NFX1: variants seen among roughly 807,000 people sequenced by gnomAD.
NFX1 encodes the protein transcriptional repressor NF-X1.
A neutral mutation model predicts 137.2 loss-of-function variants in NFX1; 69 were observed. That is an observed-to-expected ratio of 0.50 (90% CI 0.41 to 0.61). NFX1 has a LOEUF of 0.61. Among genes scored for constraint, NFX1 ranks in the 20% least tolerant of loss-of-function variants. NFX1 has a pLI of 0.00. For missense variants in NFX1, 1,167 were observed against 1,391.0 expected (o/e 0.84, Z 2.56); for synonymous variants, 495 against 474.1 (o/e 1.04, Z -0.57).
At chr9:33,335,096 T>C (rs920289381) in intron 11 of NFX1, among the ~76,000 whole-genome samples, 3 of 152,216 alleles carry the variant, frequency 2.0e-5, no homozygotes, top group Non-Finnish European at 4.4e-5. Context: ...TTTTTTTTAG[T>C]TGAAATTCAC....
At chr9:33,323,880 A>T (rs192795335) in intron 9 of NFX1, among the ~76,000 whole-genome samples, 2 of 152,334 alleles carry the variant, frequency 1.3e-5, no homozygotes, top group Admixed American at 1.3e-4. Context: ...ATTGATAAAG[A>T]GATAGAAACT....
chr9:33,294,889 A>C lies in NFX1; in HGVS notation c.495A>C (p.Gly165=). 6.2e-7 allele frequency: 1 copy of C among 1,614,086 alleles called. No individual in the cohort carries two copies. The highest frequency in any genetic ancestry group is 8.5e-7 in the Non-Finnish European group (1 of 1,180,010). ...AAGTTGTGGGTGCAGATCCCAGGGG[A>C]GCAAAACCCAAAAAAGCAACACAGT... ...EKEVVGADPR[G]AKPKKATQFV... The change falls in exon 2 of 24, where the codon GGA becomes GGC. Residue 165 remains glycine, a synonymous_variant. Coordinates refer to ENST00000379540, the MANE Select transcript of NFX1 (RefSeq NM_002504.6).
At chr9:33,354,047 C>T in intron 17 of NFX1, 39 bp from the exon 18 acceptor site, 1 of 1,548,728 alleles carries the variant, frequency 6.5e-7, no homozygotes, top group African/African-American at 1.4e-5. Flanking sequence ...TCTTGTGAAA[C>T]TGCAATGCCT....
At chr9:33,352,877 A>T (rs181533318) in intron 17 of NFX1, 158 bp downstream of exon 17, 224 of 606,866 alleles carry the variant, frequency 3.7e-4, no homozygotes, top group African/African-American at 3.3e-3. Context: ...GCACAGATAC[A>T]TGTGTTTATC....
chr9:33,298,664 G>A (rs560224856), intron 2 of NFX1, among the ~76,000 whole-genome samples: 1 of 152,188 alleles, frequency 6.6e-6, no homozygotes, highest in Non-Finnish European at 1.5e-5. Flanking sequence ...CATGCCTATA[G>A]TCCCAGCTAC....
intron 9 of NFX1, among the ~76,000 whole-genome samples, chr9:33,324,995 T>G (rs189425692): frequency 6.7e-6 from 1 of 149,650 alleles, no homozygotes; most frequent in Non-Finnish European, 1.5e-5. Context: ...TGAAGAGAAA[T>G]GAACAAAGCC....
chr9:33,306,585 G>A (rs900284810), intron 4 of NFX1, among the ~76,000 whole-genome samples: 2 of 152,200 alleles, frequency 1.3e-5, no homozygotes, highest in Non-Finnish European at 2.9e-5. Context: ...TTGCCCAAGT[G>A]AGGATGAATT....
intron 2 of NFX1, among the ~76,000 whole-genome samples, chr9:33,296,535 C>G (rs1334045790): frequency 1.3e-5 from 2 of 152,102 alleles, no homozygotes; most frequent in South Asian, 4.2e-4. Context: ...CAAGACCAGC[C>G]TGGGCAACAT....
rs1057239643 is a variant in NFX1 at position 33,349,675 on chromosome 9, G to GA, written c.2425-1874dup. ...AGCGTGGAAACAGGCCATTTTTCAA[G>GA]AAAAAAAAAAAGAATTGGGGGTTCT... On this transcript the variant is annotated intron_variant, in intron 15 of 23. Transcript: ENST00000379540. Among the ~76,000 whole-genome samples the GA allele has an allele frequency of 1.0e-3, 150 of 144,270 alleles. 1 individual carries two copies. The highest frequency in any genetic ancestry group is 2.5e-3 in the African/African-American group (100 of 39,322). 94.6% of individuals were successfully genotyped at this position (144,270 alleles called of 152,430 possible). A position where few individuals can be genotyped will look rare whatever the true frequency, so the allele number is the denominator to read the frequency against.
At chr9:33,333,989 A>G (rs543829478) in intron 11 of NFX1, among the ~76,000 whole-genome samples, 2 of 152,240 alleles carry the variant, frequency 1.3e-5, no homozygotes, top group East Asian at 3.9e-4. Context: ...TACTAAAAAT[A>G]CAAAAATTAG....
At chr9:33,341,196 C>T (rs1056142072) in intron 12 of NFX1, among the ~76,000 whole-genome samples, 1 of 152,122 alleles carries the variant, frequency 6.6e-6, no homozygotes. Context: ...TTCCAAGTGG[C>T]TGGGGAGGCC....
chr9:33,368,120 A>G (rs991351402), intron 23 of NFX1, among the ~76,000 whole-genome samples: 1 of 152,142 alleles, frequency 6.6e-6, no homozygotes, highest in African/African-American at 2.4e-5. Context: ...CTGTAAACAC[A>G]GCTACTTGGG....
chr9:33,367,702 C>A, intron 23 of NFX1, 83 bp downstream of exon 23: 1 of 1,308,148 alleles, frequency 7.6e-7, no homozygotes, highest in Non-Finnish European at 1.1e-6. Flanking sequence ...GCTGCACCAG[C>A]CATTGGTGGC....
intron 2 of NFX1, among the ~76,000 whole-genome samples, chr9:33,300,253 T>C (rs543492777): frequency 1.2e-4 from 18 of 151,798 alleles, no homozygotes; most frequent in African/African-American, 2.7e-4. Context: ...TTAGTAGAGA[T>C]GGGGTTTCAC....
rs1437033887 is a variant in NFX1, at chr9:33,296,885, A to G, written c.1033+1458A>G. ...GGAAACCATAATTTATTTATGCTTC[A>G]TTGTCCTCCACTAGTCTGTAAGCTC... On this transcript the variant is annotated intron_variant, in intron 2 of 23. Coordinates refer to ENST00000379540, the MANE Select transcript of NFX1 (RefSeq NM_002504.6). Among the ~76,000 whole-genome samples the G allele has an allele frequency of 2.6e-5, 4 of 152,300 alleles. No individual in the cohort carries two copies. The East Asian group carries it at 7.7e-4, about 29-fold the overall frequency.
At position 33,303,190 on chromosome 9, in the gene NFX1, G is replaced by C; in HGVS notation, c.1193-1G>C. The C allele has an allele frequency of 6.2e-7, 1 of 1,613,744 alleles. No homozygotes were observed. The highest frequency in any genetic ancestry group is 1.1e-5 in the South Asian group (1 of 91,046). On this transcript the variant is annotated splice_acceptor_variant, in intron 3 of 23. Coordinates refer to ENST00000379540, the MANE Select transcript of NFX1 (RefSeq NM_002504.6). LOFTEE classifies it high-confidence loss of function. Reference sequence around the variant, plus strand: ...TGGCCTACTCCCATTTTTCCTGACAGATGGCCAGAGTGGTTGGAGGTGCCC... The same window carrying C: ...TGGCCTACTCCCATTTTTCCTGACACATGGCCAGAGTGGTTGGAGGTGCCC...
chr9:33,307,029 G>A (rs1023351428), intron 4 of NFX1, among the ~76,000 whole-genome samples, 165 bp from the exon 5 acceptor site: 1 of 152,118 alleles, frequency 6.6e-6, no homozygotes, highest in African/African-American at 2.4e-5. Context: ...TTTATGAATA[G>A]CATTATATTT....
At chr9:33,355,183 G>A (rs1823769357) in intron 19 of NFX1, among the ~76,000 whole-genome samples, 2 of 152,186 alleles carry the variant, frequency 1.3e-5, no homozygotes, top group South Asian at 4.1e-4. Flanking sequence ...TCAGAGATAA[G>A]AGGTTTAAAA....
rs771795551 is a variant in NFX1, at chr9:33,290,565, G to T, written c.-8G>T. 2.7e-5 allele frequency: 44 copies of T among 1,613,912 alleles called. No homozygotes were observed. Among genetic ancestry groups the T allele is most frequent in the Admixed American group, 6.7e-5 (4 of 60,008 alleles). ...CTGTACAGCTCGATCTAGGTTCTGCGGCACGGGATGGCGGAGGCGCCTCCT... is the reference window on the plus strand; with the variant it reads ...CTGTACAGCTCGATCTAGGTTCTGCTGCACGGGATGGCGGAGGCGCCTCCT... On this transcript the variant is annotated 5_prime_UTR_variant, in exon 1 of 24. Coordinates refer to ENST00000379540, the MANE Select transcript of NFX1 (RefSeq NM_002504.6).
Sources: gnomAD v4.1 joint callset for allele counts (sites outside exome capture counted in the v4.1 genomes callset) on GRCh38, gnomAD v4.1.1 for gene constraint, MANE v1.5 for transcripts, NCBI Gene and HGNC (gene_info 2026-07-23, HGNC 2026-07-21) for gene names.